The following CDC14A variants were observed in gnomAD, a reference collection of about 807,000 sequenced individuals.
The protein encoded by CDC14A is cell division cycle 14A, also known as dual specificity protein phosphatase CDC14A.
Under a neutral mutation model 74.4 loss-of-function variants are expected in CDC14A, and 53 were observed. That is an observed-to-expected ratio of 0.71 (90% CI 0.57 to 0.89). The LOEUF (loss-of-function observed/expected upper bound fraction) is 0.89, where lower values mean the gene tolerates loss of function less well. Among genes scored for constraint, CDC14A ranks in the 40% least tolerant of loss-of-function variants. The pLI is 0.00. For synonymous variants in CDC14A, 247 were observed against 258.4 expected (o/e 0.96, Z 0.43); for missense variants, 646 against 713.7 (o/e 0.91, Z 1.08).
At chr1:100,438,554 G>T (rs1407447182) in intron 5 of CDC14A, among the ~76,000 whole-genome samples, 2 of 152,076 alleles carry the variant, frequency 1.3e-5, no homozygotes, top group African/African-American at 4.8e-5. Context: ...TTGAAAAGGG[G>T]GCTATTTTAT....
chr1:100,485,262 T>C (rs1669911710), intron 11 of CDC14A: 1 of 985,230 alleles, frequency 1.0e-6, no homozygotes, highest in Admixed American at 6.1e-5. Context: ...TGTTTAGTAG[T>C]GGGGCCACTT....
chr1:100,413,103 C>G (rs976060209), intron 4 of CDC14A, among the ~76,000 whole-genome samples: 31 of 151,948 alleles, frequency 2.0e-4, no homozygotes. Context: ...GTTATCTTCT[C>G]GAAGGACAAT....
intron 15 of CDC14A, among the ~76,000 whole-genome samples, chr1:100,510,416 T>C (rs1238207725): frequency 1.3e-5 from 2 of 152,222 alleles, no homozygotes; most frequent in African/African-American, 4.8e-5. Flanking sequence ...TTTTGTTCAC[T>C]TGAAAATTCA....
At chr1:100,491,664 C>G (rs1281370774) in intron 11 of CDC14A, among the ~76,000 whole-genome samples, 3 of 145,076 alleles carry the variant, frequency 2.1e-5, no homozygotes, top group African/African-American at 7.7e-5. Context: ...CTCTGCCTCC[C>G]GGGTTCAAGT....
intron 7 of CDC14A, among the ~76,000 whole-genome samples, chr1:100,449,050 G>A (rs1258410016): frequency 6.6e-6 from 1 of 152,120 alleles, no homozygotes; most frequent in African/African-American, 2.4e-5. Context: ...GCTGAAATGT[G>A]GACTATTTTG....
At chr1:100,460,356 AAG>A (rs1667199570) in intron 8 of CDC14A, among the ~76,000 whole-genome samples, 2 of 152,184 alleles carry the variant, frequency 1.3e-5, no homozygotes, top group African/African-American at 4.8e-5. Context: ...CATATATGAA[AAG>A]AGAGATTCTT....
intron 7 of CDC14A, 39 bp from the exon 8 acceptor site, chr1:100,455,366 A>G (rs1431856971): frequency 7.5e-7 from 1 of 1,329,212 alleles, no homozygotes; most frequent in Admixed American, 1.8e-5. Context: ...TAAGAATTAT[A>G]AAATATTTTT....
chr1:100,406,308 A>G (rs1045209088), intron 4 of CDC14A, among the ~76,000 whole-genome samples: 6 of 151,992 alleles, frequency 3.9e-5, no homozygotes, highest in Non-Finnish European at 8.8e-5. Flanking sequence ...GATTGCAAAC[A>G]TTTTCTCCCA....
Position 100,491,548 on chromosome 1 carries a change from C to CTCTCTCTATA in CDC14A, c.1138-3269_1138-3268insCTCTCTATAT, listed in dbSNP as rs1223420176. ...TCTCTCTCTCTCTCTCTCTCTCTCT[C>CTCTCTCTATA]TATATATATATATATATATATATAT... On this transcript the variant is annotated intron_variant, in intron 11 of 15. Transcript: ENST00000336454. Among the ~76,000 whole-genome samples the CTCTCTCTATA allele has an allele frequency of 2.2e-3, 87 of 38,744 alleles. 1 individual carries two copies. Among genetic ancestry groups the CTCTCTCTATA allele is most frequent in the Admixed American group, 3.4e-3 (8 of 2,374 alleles). 25.4% of individuals were successfully genotyped at this position (38,744 alleles called of 152,430 possible).
intron 5 of CDC14A, among the ~76,000 whole-genome samples, chr1:100,424,955 C>T (rs1315703587): frequency 1.3e-5 from 2 of 152,016 alleles, no homozygotes; most frequent in Non-Finnish European, 2.9e-5. Context: ...ATAGCTTGAG[C>T]CCAGGAGTTC....
chr1:100,381,012 G>C (rs1283091371), intron 3 of CDC14A, among the ~76,000 whole-genome samples: 2 of 152,138 alleles, frequency 1.3e-5, no homozygotes, highest in South Asian at 2.1e-4. Flanking sequence ...GTGCAGATCT[G>C]TATCGTTGAT....
intron 2 of CDC14A, among the ~76,000 whole-genome samples, chr1:100,371,836 AC>A (rs1654520303): frequency 6.6e-6 from 1 of 152,376 alleles, no homozygotes; most frequent in Middle Eastern, 3.4e-3. Context: ...TAGAAAAAAA[AC>A]AAGTTATATT....
upstream of CDC14A, chr1:100,352,406 G>C: frequency 2.1e-6 from 2 of 954,740 alleles, no homozygotes; most frequent in Non-Finnish European, 2.5e-6. Flanking sequence ...GAAAGTGGAG[G>C]GGGCTGAGGG....
intron 4 of CDC14A, among the ~76,000 whole-genome samples, chr1:100,411,554 A>G (rs1660720229): frequency 1.3e-5 from 2 of 152,156 alleles, no homozygotes; most frequent in Non-Finnish European, 2.9e-5. Flanking sequence ...TGAAGCCCAA[A>G]ACTTAGTAAT....
intron 3 of CDC14A, among the ~76,000 whole-genome samples, chr1:100,382,484 C>T (rs1000454493): frequency 2.0e-5 from 3 of 150,868 alleles, no homozygotes; most frequent in African/African-American, 4.9e-5. Context: ...GCTAGCTTCC[C>T]GCCTGAGCCT....
At chr1:100,405,970 G>A (rs530106005) in intron 4 of CDC14A, among the ~76,000 whole-genome samples, 3 of 152,150 alleles carry the variant, frequency 2.0e-5, no homozygotes, top group African/African-American at 4.8e-5. Flanking sequence ...TTCCACAATG[G>A]TTGAACTAAT....
At chr1:100,413,436 A>G (rs1242368557) in intron 4 of CDC14A, among the ~76,000 whole-genome samples, 1 of 152,250 alleles carries the variant, frequency 6.6e-6, no homozygotes, top group Admixed American at 6.5e-5. Context: ...AATTTGAAAA[A>G]GAATAAAATG....
chr1:100,507,431 G>C (rs1383316739), intron 15 of CDC14A, among the ~76,000 whole-genome samples: 1 of 151,604 alleles, frequency 6.6e-6, no homozygotes, highest in Non-Finnish European at 1.5e-5. Flanking sequence ...TCTTAGGGCT[G>C]CTTTTTTAGT....
intron 3 of CDC14A, among the ~76,000 whole-genome samples, chr1:100,382,145 A>ATTTTC (rs1656202833): frequency 6.6e-6 from 1 of 151,910 alleles, no homozygotes; most frequent in Non-Finnish European, 1.5e-5. Flanking sequence ...TCTTCTGAAA[A>ATTTTC]AGAAGACTTT....
Sources: gnomAD v4.1 joint callset for allele counts (sites outside exome capture counted in the v4.1 genomes callset) on GRCh38, gnomAD v4.1.1 for gene constraint, MANE v1.5 for transcripts, NCBI Gene and HGNC (gene_info 2026-07-23, HGNC 2026-07-21) for gene names.